RRP15: variants seen among roughly 807,000 people sequenced by gnomAD.
RRP15 encodes the protein ribosomal RNA processing 15 homolog.
In RRP15, 18 loss-of-function variants were observed where a neutral mutation model predicts 27.1. The ratio of observed to expected loss-of-function variants is 0.66; its 90% CI spans 0.46 to 0.98. RRP15 has a LOEUF of 0.98. Among genes scored for constraint, RRP15 ranks in the 50% least tolerant of loss-of-function variants. The pLI is 0.00. For missense variants in RRP15, 359 were observed against 337.8 expected (o/e 1.06, Z -0.49); for synonymous variants, 107 against 109.4 (o/e 0.98, Z 0.14).
At position 218,332,561 on chromosome 1, in the gene RRP15, C is replaced by T. The variant is rs1241139968; in HGVS notation, c.*1470C>T. 2 of 152,098 alleles carry T rather than the reference C, an allele frequency of 1.3e-5. No individual in the cohort carries two copies. The highest frequency in any genetic ancestry group is 2.1e-4 in the South Asian group (1 of 4,824). The allele number at this position is 152,098 out of a possible 1,614,324, so 9.4% of individuals were successfully genotyped here. A position where few individuals can be genotyped will look rare whatever the true frequency, so the allele number is the denominator to read the frequency against. ...GATAATCCCCCCCAAAAAAACTATC[C>T]AAGAGCAGAGATGTTTATATTTTGA... On this transcript the variant is annotated 3_prime_UTR_variant, in exon 5 of 5. Transcript: ENST00000366932.
chr1:218,292,713 C>A (rs1244075521), intron 1 of RRP15, among the ~76,000 whole-genome samples: 1 of 152,220 alleles, frequency 6.6e-6, no homozygotes, highest in Non-Finnish European at 1.5e-5. Context: ...AGTCTGCATA[C>A]CCAACCTGTG....
intron 4 of RRP15, among the ~76,000 whole-genome samples, chr1:218,316,367 A>G (rs1200821559): frequency 6.6e-6 from 1 of 152,198 alleles, no homozygotes; most frequent in African/African-American, 2.4e-5. Flanking sequence ...ATTATCCTGC[A>G]CAGATGAGTC....
intron 1 of RRP15, among the ~76,000 whole-genome samples, chr1:218,288,702 GC>G (rs1017512408): frequency 1.3e-5 from 2 of 152,224 alleles, no homozygotes; most frequent in Non-Finnish European, 2.9e-5. Context: ...GAAAGTGAAA[GC>G]GTTGGGCCTT....
At chr1:218,301,752 A>AT (rs1319388370) in intron 1 of RRP15, 1 of 152,092 alleles carries the variant, frequency 6.6e-6, no homozygotes, top group East Asian at 1.9e-4. Flanking sequence ...TTATATGCAA[A>AT]TTCTTTTACA....
At position 218,310,097 on chromosome 1, in the gene RRP15, A is replaced by C. The variant is rs181489135; in HGVS notation, c.705+2465A>C. On this transcript the variant is annotated intron_variant, in intron 4 of 4. Coordinates refer to ENST00000366932, the MANE Select transcript of RRP15 (RefSeq NM_016052.4). ...AATGAATCATTGATGAGCTAAATAA[A>C]GGAAGAGATTAAGAAAGTAGAAAGT... 3.0e-3 allele frequency among the ~76,000 whole-genome samples: 462 copies of C among 152,334 alleles called. 3 individuals carry two copies. Among genetic ancestry groups the C allele is most frequent in the Non-Finnish European group, 5.2e-3 (351 of 68,018 alleles).
chr1:218,317,741 T>TA (rs1656112761), intron 4 of RRP15, among the ~76,000 whole-genome samples: 1 of 149,740 alleles, frequency 6.7e-6, no homozygotes. Context: ...TTTTTTTTTT[T>TA]TTTTTTAATT....
intron 1 of RRP15, among the ~76,000 whole-genome samples, chr1:218,288,416 T>C (rs959041164): frequency 6.6e-6 from 1 of 152,228 alleles, no homozygotes; most frequent in Non-Finnish European, 1.5e-5. Flanking sequence ...TTTGGAACTT[T>C]CCTATGTGCC....
intron 4 of RRP15, among the ~76,000 whole-genome samples, chr1:218,317,009 C>T (rs958120736): frequency 6.6e-6 from 1 of 152,222 alleles, no homozygotes; most frequent in Non-Finnish European, 1.5e-5. Context: ...AATGTGTCCA[C>T]TTTCTCTTGT....
chr1:218,301,411 T>G (rs1655808714), intron 1 of RRP15: 1 of 152,220 alleles, frequency 6.6e-6, no homozygotes, highest in African/African-American at 2.4e-5. Flanking sequence ...GCTTGTGCTC[T>G]CCTTGTTAAA....
chr1:218,285,720 A>T (rs1655535250), intron 1 of RRP15, among the ~76,000 whole-genome samples: 1 of 152,122 alleles, frequency 6.6e-6, no homozygotes, highest in South Asian at 2.1e-4. Context: ...TGGGTGAAAC[A>T]CCTGCAGCTA....
intron 4 of RRP15, among the ~76,000 whole-genome samples, chr1:218,310,589 T>C (rs748273181): frequency 5.9e-5 from 9 of 152,192 alleles, no homozygotes; most frequent in Admixed American, 3.9e-4. Flanking sequence ...TTGGTTTTGT[T>C]TTCTCCTAAT....
At chr1:218,323,568 C>T (rs1025052864) in intron 4 of RRP15, among the ~76,000 whole-genome samples, 2 of 152,200 alleles carry the variant, frequency 1.3e-5, no homozygotes, top group African/African-American at 4.8e-5. Flanking sequence ...AGGCTTCGGG[C>T]CCTCCCTGGC....
chr1:218,312,803 A>G (rs1656023657), intron 4 of RRP15, among the ~76,000 whole-genome samples: 1 of 152,204 alleles, frequency 6.6e-6, no homozygotes, highest in Non-Finnish European at 1.5e-5. Context: ...TGAAGTAAAC[A>G]TGGTAAGGGG....
At position 218,308,062 on chromosome 1, in the gene RRP15, C is replaced by CTTT. The variant is rs56813511; in HGVS notation, c.705+457_705+459dup. 4.2e-3 allele frequency among the ~76,000 whole-genome samples: 281 copies of CTTT among 66,902 alleles called. 21 individuals carry two copies. Among genetic ancestry groups the CTTT allele is most frequent in the African/African-American group, 4.8e-3 (85 of 17,574 alleles). 43.9% of individuals were successfully genotyped at this position (66,902 alleles called of 152,430 possible). A position where few individuals can be genotyped will look rare whatever the true frequency, so the allele number is the denominator to read the frequency against. ...AGCTGCCTCAGTAGTTTCTTTCTTT[C>CTTT]TTTTTTTTTTTTTTTTTTTTTTTTT... On this transcript the variant is annotated intron_variant, in intron 4 of 4. Coordinates refer to ENST00000366932, the MANE Select transcript of RRP15 (RefSeq NM_016052.4).
In RRP15 at chr1:218,334,786, A is replaced by G. The variant is rs1656424323; in HGVS notation, c.*3695A>G. 2 of 152,192 alleles carry G rather than the reference A, an allele frequency of 1.3e-5. No individual in the cohort carries two copies. Among genetic ancestry groups the G allele is most frequent in the South Asian group, 4.1e-4 (2 of 4,826 alleles). The allele number at this position is 152,192 out of a possible 1,614,324, so 9.4% of individuals were successfully genotyped here. On this transcript the variant is annotated 3_prime_UTR_variant, in exon 5 of 5. Coordinates refer to ENST00000366932, the MANE Select transcript of RRP15 (RefSeq NM_016052.4). ...TTGAGGTGAATTGGCAGTGAGAGCA[A>G]ATTTTGGAAACAGGAGAGAGAACTA...
At chr1:218,291,563 C>T (rs577048819) in intron 1 of RRP15, among the ~76,000 whole-genome samples, 2 of 115,118 alleles carry the variant, frequency 1.7e-5, no homozygotes, top group African/African-American at 3.5e-5. Flanking sequence ...GATGGAGTCT[C>T]GTTCTGTTGC....
At chr1:218,323,592 C>T (rs1322284370) in intron 4 of RRP15, among the ~76,000 whole-genome samples, 1 of 152,214 alleles carries the variant, frequency 6.6e-6, no homozygotes, top group African/African-American at 2.4e-5. Context: ...AAGGTGGGGC[C>T]TCACCGGGGA....
intron 4 of RRP15, among the ~76,000 whole-genome samples, chr1:218,308,795 A>G (rs1655942891): frequency 6.6e-6 from 1 of 152,236 alleles, no homozygotes; most frequent in Non-Finnish European, 1.5e-5. Context: ...GTACTTGTAA[A>G]TACATGAACA....
intron 4 of RRP15, among the ~76,000 whole-genome samples, chr1:218,314,310 C>G (rs1295608291): frequency 6.6e-6 from 1 of 152,126 alleles, no homozygotes. Context: ...ATGTTCTTAT[C>G]TAGAGTGATT....
Sources: allele counts gnomAD v4.1 joint callset (sites outside exome capture counted in the v4.1 genomes callset), GRCh38; gene constraint gnomAD v4.1.1; transcripts MANE v1.5; gene names NCBI Gene and HGNC (gene_info 2026-07-23, HGNC 2026-07-21).